USP21: variants seen among roughly 807,000 people sequenced by gnomAD.
USP21 encodes the protein ubiquitin specific peptidase 21.
In USP21, 37 loss-of-function variants were observed where a neutral mutation model predicts 70.8. The ratio of observed to expected loss-of-function variants is 0.52; its 90% CI spans 0.40 to 0.69. The LOEUF (loss-of-function observed/expected upper bound fraction) is 0.69. USP21 is among the 30% of genes least tolerant of loss of function. USP21 has a pLI of 0.00. For missense variants in USP21, 584 were observed against 740.8 expected (o/e 0.79, Z 2.46); for synonymous variants, 263 against 283.1 (o/e 0.93, Z 0.71).
At position 161,164,926 on chromosome 1, in the gene USP21, T is replaced by C; in HGVS notation, c.1476T>C (p.Phe492=). 6.2e-7 allele frequency: 1 copy of C among 1,613,980 alleles called. No homozygotes were observed. Among genetic ancestry groups the C allele is most frequent in the Non-Finnish European group, 8.5e-7 (1 of 1,179,882 alleles). ...TGCAGCGACTGAGCCTAGGGGACTT[T>C]GCCAGTGACAAAGCCGGTGAGTCTG... ...FPLQRLSLGD[F]ASDKAGSPVY... The change falls in exon 12 of 14, where the codon TTT becomes TTC. Residue 492 remains phenylalanine (F), a synonymous_variant. Coordinates refer to ENST00000368002, the MANE Select transcript of USP21 (RefSeq NM_001014443.3). This position sits in a 1 kb window ranked among gnomAD's most constrained non-coding sequence, Gnocchi z 4.2.
chr1:161,163,662 G>A (rs777050870), intron 8 of USP21, 43 bp downstream of exon 8: 2 of 1,483,828 alleles, frequency 1.3e-6, no homozygotes, highest in Non-Finnish European at 1.9e-6. Flanking sequence ...TAGTGTGTGA[G>A]GGGGGTACAG....
At position 161,161,655 on chromosome 1, in the gene USP21, G is replaced by T; in HGVS notation, c.601-383G>T. 1 of 391,762 alleles carries T rather than the reference G, an allele frequency of 2.6e-6. No homozygotes were observed. The highest frequency in any genetic ancestry group is 4.7e-6 in the Non-Finnish European group (1 of 213,182). The allele number at this position is 391,762 out of a possible 1,614,324, so 24.3% of individuals were successfully genotyped here. ...GTAAGCTAGGCTGATTGCAATTGGA[G>T]CCAGCAGGAGAAGGGCAAGAAGGGG... On this transcript the variant is annotated intron_variant, in intron 3 of 13. Transcript: ENST00000368002. This position sits in a 1 kb window ranked among gnomAD's most constrained non-coding sequence, Gnocchi z 4.2.
chr1:161,165,315 C>G (rs752526100), intron 13 of USP21, 42 bp from the exon 14 acceptor site: 229 of 1,583,916 alleles, frequency 1.4e-4, no homozygotes, highest in Non-Finnish European at 1.5e-4. Flanking sequence ...AGGGAGTAAA[C>G]AGGAATGACC....
At position 161,160,504 on chromosome 1, in the gene USP21, TG is replaced by T; in HGVS notation, c.-22+1del. On this transcript the variant is annotated splice_region_variant and 5_prime_UTR_variant, in exon 2 of 14. Coordinates refer to ENST00000368002, the MANE Select transcript of USP21 (RefSeq NM_001014443.3). ...TGGAAATGAGAGGACAGCAAGATTG[TG>T]GGTATGGAATGGGGCAAAGCAATAA... 9.3e-7 allele frequency: 1 copy of T among 1,076,844 alleles called. No individual in the cohort carries two copies. The allele number at this position is 1,076,844 out of a possible 1,614,324, so 66.7% of individuals were successfully genotyped here.
At position 161,163,080 on chromosome 1, in the gene USP21, G is replaced by A; in HGVS notation, c.1049+6G>A. On this transcript the variant is annotated splice_donor_region_variant and intron_variant, in intron 7 of 13. Coordinates refer to ENST00000368002, the MANE Select transcript of USP21 (RefSeq NM_001014443.3). ...CTAGAAGAACCTGAGTTAAGGTAAGGGTCGTTCCCTCTACCTCCTTTCCCC... is the reference window on the plus strand; with the variant it reads ...CTAGAAGAACCTGAGTTAAGGTAAGAGTCGTTCCCTCTACCTCCTTTCCCC... The A allele has an allele frequency of 6.3e-7, 1 of 1,588,248 alleles. No individual in the cohort carries two copies. The highest frequency in any genetic ancestry group is 2.2e-5 in the East Asian group (1 of 44,662).
chr1:161,164,998 TTA>T lies in USP21; in HGVS notation c.1493-28_1493-27del. 6.2e-7 allele frequency: 1 copy of T among 1,613,378 alleles called. No individual in the cohort carries two copies. Among genetic ancestry groups the T allele is most frequent in the Middle Eastern group, 1.6e-4 (1 of 6,062 alleles). ...CAAAGGAGTGGGGGCACAGCTCTGA[TTA>T]TAGAACTTGATCATCTCCAACCCCG... On this transcript the variant is annotated intron_variant, in intron 12 of 13. Transcript: ENST00000368002. This position sits in a 1 kb window ranked among gnomAD's most constrained non-coding sequence, Gnocchi z 4.2.
In USP21 at chr1:161,163,034, C is replaced by G; in HGVS notation, c.1009C>G (p.Pro337Ala). 1 of 1,612,682 alleles carries G rather than the reference C, an allele frequency of 6.2e-7. No individual in the cohort carries two copies. The highest frequency in any genetic ancestry group is 8.5e-7 in the Non-Finnish European group (1 of 1,179,552). The change falls in exon 7 of 14, where the codon CCC becomes GCC. Residue 337 changes from proline (P) to alanine (A), a missense_variant. Around this residue, in one of 4 missense-constraint regions of USP21, gnomAD observed 40 missense variants for 29.3 expected, o/e 1.37. Transcript: ENST00000368002. ...TGCCAATGGTCCAGTTCCCTCTCCA[C>G]CCCGCCGAGGAGGGGCTCTGCTAGA... ...ILANGPVPSP[P>A]RRGGALLEEP...
Position 161,164,700 on chromosome 1 carries a change from T to C in USP21, c.1384+88T>C. On this transcript the variant is annotated intron_variant, in intron 11 of 13. Transcript: ENST00000368002. The surrounding 1 kb of genome is among the most constrained non-coding windows in gnomAD (Gnocchi z 4.2). ...TGTTTCCAGAGAATTGAATTTTCCT[T>C]AGGAAAAGTCTGCCACCCACTTTTC... 1.9e-6 allele frequency: 3 copies of C among 1,605,238 alleles called. No homozygotes were observed. Among genetic ancestry groups the C allele is most frequent in the Non-Finnish European group, 2.6e-6 (3 of 1,174,078 alleles).
chr1:161,160,957 C>T lies in USP21; in HGVS notation c.317C>T (p.Thr106Ile), dbSNP rs1558001478. ...PTVALPLPSR[T>I]NLARSKSVSS... ...GTGGCTTTGCCTCTCCCATCTCGGA[C>T]CAACTTAGCCCGTTCCAAGTCTGTG... The change falls in exon 3 of 14, where the codon ACC (threonine) becomes ATC (isoleucine). Residue 106 changes from threonine (T) to isoleucine (I), a missense_variant. Physicochemically the swap from Thr to Ile is moderately conservative, Grantham distance 89. This residue lies in a region of USP21 where 284 missense variants were observed against 281.0 expected (regional missense o/e 1.01). Transcript: ENST00000368002. The T allele has an allele frequency of 1.2e-6, 2 of 1,614,142 alleles. No individual in the cohort carries two copies. The highest frequency in any genetic ancestry group is 1.1e-5 in the South Asian group (1 of 91,096).
Position 161,162,367 on chromosome 1 carries a change from G to T in USP21, c.758G>T (p.Gly253Val). 6.2e-7 allele frequency: 1 copy of T among 1,612,410 alleles called. No homozygotes were observed. The highest frequency in any genetic ancestry group is 1.1e-5 in the South Asian group (1 of 90,800). ...RDFRQEVPGG[G>V]RAQELTEAFA... ...TTCCGGCAAGAGGTGCCTGGAGGAG[G>T]CCGAGCCCAAGAGCTCACTGAAGGT... Residue 253 changes from glycine to valine, a missense_variant, in exon 5 of 14, where the codon GGC (glycine) becomes GTC (valine). Gly to Val is a moderately radical substitution (Grantham distance 109). Transcript: ENST00000368002. The surrounding 1 kb of genome is among the most constrained non-coding windows in gnomAD (Gnocchi z 4.1).
Position 161,162,979 on chromosome 1 carries a change from C to T in USP21, c.954C>T (p.Asn318=). The T allele has an allele frequency of 6.2e-7, 1 of 1,613,854 alleles. No individual in the cohort carries two copies. The highest frequency in any genetic ancestry group is 1.3e-5 in the African/African-American group (1 of 75,000). The change falls in exon 7 of 14, where the codon AAC becomes AAT. Residue 318 remains asparagine (N), a synonymous_variant. Transcript: ENST00000368002. This position sits in a 1 kb window ranked among gnomAD's most constrained non-coding sequence, Gnocchi z 4.1. The part of the protein sequence containing the change: ...LLMERLHLEI[N]RRGRRAPPIL... ...TGGAGCGGCTACACCTTGAAATCAACCGCCGAGGCCGCCGGGCTCCACCGA... is the reference window on the plus strand; with the variant it reads ...TGGAGCGGCTACACCTTGAAATCAATCGCCGAGGCCGCCGGGCTCCACCGA...
At position 161,164,522 on chromosome 1, in the gene USP21, C is replaced by T; in HGVS notation, c.1306-12C>T. 1.9e-6 allele frequency: 3 copies of T among 1,614,086 alleles called. No homozygotes were observed. Among genetic ancestry groups the T allele is most frequent in the Non-Finnish European group, 2.5e-6 (3 of 1,180,020 alleles). ...GAGCATATTAACCTAACACTGTTTG[C>T]CATTTATTCAGGTGTGTGACCGATG... On this transcript the variant is annotated splice_polypyrimidine_tract_variant and intron_variant, in intron 10 of 13. Coordinates refer to ENST00000368002, the MANE Select transcript of USP21 (RefSeq NM_001014443.3). The surrounding 1 kb of genome is among the most constrained non-coding windows in gnomAD (Gnocchi z 4.2).
chr1:161,164,272 A>T lies in USP21; in HGVS notation c.1305+22A>T, dbSNP rs1450983687. 7 of 1,611,374 alleles carry T rather than the reference A, an allele frequency of 4.3e-6. No individual in the cohort carries two copies. The highest frequency in any genetic ancestry group is 5.9e-6 in the Non-Finnish European group (7 of 1,177,540). ...CCCAGTATGTGGAGGTTCACAAGGG[A>T]TACAGTAAGGGTGGGAGACCTGGGG... On this transcript the variant is annotated intron_variant, in intron 10 of 13. Coordinates refer to ENST00000368002, the MANE Select transcript of USP21 (RefSeq NM_001014443.3). The surrounding 1 kb of genome is among the most constrained non-coding windows in gnomAD (Gnocchi z 4.2).
At position 161,164,579 on chromosome 1, in the gene USP21, A is replaced by G; in HGVS notation, c.1351A>G (p.Thr451Ala). 6.2e-7 allele frequency: 1 copy of G among 1,614,234 alleles called. No individual in the cohort carries two copies. Among genetic ancestry groups the G allele is most frequent in the Non-Finnish European group, 8.5e-7 (1 of 1,180,046 alleles). The change falls in exon 11 of 14, where the codon ACA (threonine) becomes GCA (alanine). Residue 451 changes from threonine (T) to alanine (A), a missense_variant. By Grantham distance (58) the Thr-to-Ala change is moderately conservative (BLOSUM62 0). Around this residue, in one of 4 missense-constraint regions of USP21, gnomAD observed 173 missense variants for 268.2 expected, o/e 0.65. Coordinates refer to ENST00000368002, the MANE Select transcript of USP21 (RefSeq NM_001014443.3). This position sits in a 1 kb window ranked among gnomAD's most constrained non-coding sequence, Gnocchi z 4.2. ...GAAAACTCGAAGTACCAAAAAGTTG[A>G]CAGTACAAAGATTCCCTCGAATCCT... ...RQKTRSTKKL[T>A]VQRFPRILVL...
intron 13 of USP21, 58 bp downstream of exon 13, chr1:161,165,201 C>A: frequency 3.3e-6 from 5 of 1,523,002 alleles, no homozygotes; most frequent in Non-Finnish European, 4.5e-6. Flanking sequence ...TGACACCCTC[C>A]CCTTCTATGA....
At position 161,165,488 on chromosome 1, in the gene USP21, C is replaced by T. The variant is rs1359248786; in HGVS notation, c.*41C>T. ...GCACCTGTGAAGCCCTTTAAACACC[C>T]TTAAGCCCCAGGCTCCCCGTTTACC... On this transcript the variant is annotated 3_prime_UTR_variant, in exon 14 of 14. Coordinates refer to ENST00000368002, the MANE Select transcript of USP21 (RefSeq NM_001014443.3). 6.7e-7 allele frequency: 1 copy of T among 1,494,712 alleles called. No homozygotes were observed. Among genetic ancestry groups the T allele is most frequent in the African/African-American group, 1.4e-5 (1 of 72,244 alleles). The allele number at this position is 1,494,712 out of a possible 1,614,324, so 92.6% of individuals were successfully genotyped here.
Position 161,162,318 on chromosome 1 carries a change from C to A in USP21, c.709C>A (p.Arg237=), listed in dbSNP as rs753130907. The A allele has an allele frequency of 6.2e-7, 1 of 1,613,410 alleles. No individual in the cohort carries two copies. Among genetic ancestry groups the A allele is most frequent in the Non-Finnish European group, 8.5e-7 (1 of 1,179,736 alleles). ...GTGTCTGAGCAGCACTCGACCTCTT[C>A]GGGACTTCTGTCTGAGAAGGGACTT... is the stretch of plus-strand genomic sequence containing the variant. The part of the protein sequence containing the change: ...LQCLSSTRPL[R]DFCLRRDFRQ... Residue 237 remains arginine, a synonymous_variant, in exon 5 of 14, where the codon CGG becomes AGG. Coordinates refer to ENST00000368002, the MANE Select transcript of USP21 (RefSeq NM_001014443.3). The surrounding 1 kb of genome is among the most constrained non-coding windows in gnomAD (Gnocchi z 4.1).
At position 161,165,543 on chromosome 1, in the gene USP21, A is replaced by G. The variant is rs891283550; in HGVS notation, c.*96A>G. The G allele has an allele frequency of 3.7e-5, 10 of 270,020 alleles. No homozygotes were observed. The highest frequency in any genetic ancestry group is 2.1e-4 in the African/African-American group (8 of 38,620). 16.7% of individuals were successfully genotyped at this position (270,020 alleles called of 1,614,324 possible). A position where few individuals can be genotyped will look rare whatever the true frequency, so the allele number is the denominator to read the frequency against. On this transcript the variant is annotated 3_prime_UTR_variant, in exon 14 of 14. Coordinates refer to ENST00000368002, the MANE Select transcript of USP21 (RefSeq NM_001014443.3). The stretch of plus-strand genomic sequence containing the variant: ...AGACGTCTATTTTTGTGTCTTTTTA[A>G]TCGGGGAGGGGGGAGGGGGTGGTTG...
Position 161,163,911 on chromosome 1 carries a change from A to G in USP21, c.1148A>G (p.Lys383Arg). 1 of 1,614,148 alleles carries G rather than the reference A, an allele frequency of 6.2e-7. No homozygotes were observed. The highest frequency in any genetic ancestry group is 8.5e-7 in the Non-Finnish European group (1 of 1,180,028). The change falls in exon 9 of 14, where the codon AAG becomes AGG. Residue 383 changes from lysine to arginine, a missense_variant. Around this residue, in one of 4 missense-constraint regions of USP21, gnomAD observed 173 missense variants for 268.2 expected, o/e 0.65. Transcript: ENST00000368002. Reference protein sequence around the residue: ...LFVGQLKSCLKCQACGYRSTT... With the variant: ...LFVGQLKSCLRCQACGYRSTT... ...GTGGGCCAGTTGAAAAGTTGTCTCA[A>G]GTGCCAGGCCTGTGGGTATCGCTCC...
Sources: gnomAD v4.1 joint callset for allele counts on GRCh38, gnomAD v4.1.1 for gene constraint, gnomAD v4.1.1 regional missense constraint, Gnocchi (gnomAD v3.1) non-coding constraint, MANE v1.5 for transcripts, NCBI Gene and HGNC (gene_info 2026-07-23, HGNC 2026-07-21) for gene names.